CD55: variants seen among roughly 807,000 people sequenced by gnomAD.
CD55 encodes the protein CD55 molecule (Cromer blood group).
A neutral mutation model predicts 45.8 loss-of-function variants in CD55; 41 were observed. The ratio of observed to expected loss-of-function variants is 0.90; its 90% CI spans 0.70 to 1.16. CD55 has a LOEUF of 1.16. Ranked by LOEUF, CD55 falls within the 50% of genes most tolerant of loss-of-function variation. CD55 has a pLI of 0.00. For missense variants in CD55, 416 were observed against 469.8 expected, an observed-to-expected ratio of 0.89 and a Z score of 1.06; for synonymous variants, 181 against 181.1, an observed-to-expected ratio of 1.00 and a Z score of 0.01.
chr1:207,324,140 A>T (rs1485878184), intron 2 of CD55, among the ~76,000 whole-genome samples: 1 of 152,212 alleles, frequency 6.6e-6, no homozygotes, highest in African/African-American at 2.4e-5. Flanking sequence ...ATGAGTTTGT[A>T]CGTAAATAAA....
chr1:207,325,028 G>A (rs1171704086), intron 3 of CD55, among the ~76,000 whole-genome samples: 1 of 152,042 alleles, frequency 6.6e-6, no homozygotes, highest in Non-Finnish European at 1.5e-5. Flanking sequence ...ATTATAAAGA[G>A]AAATTAGAAT....
intron 6 of CD55, among the ~76,000 whole-genome samples, chr1:207,335,384 C>T (rs1325742058): frequency 6.6e-6 from 1 of 152,028 alleles, no homozygotes; most frequent in Non-Finnish European, 1.5e-5. Flanking sequence ...AGCTACAATA[C>T]ATTGCAAAAG....
chr1:207,345,499 A>C (rs763821299), intron 9 of CD55, among the ~76,000 whole-genome samples: 1 of 152,090 alleles, frequency 6.6e-6, no homozygotes, highest in Non-Finnish European at 1.5e-5. Flanking sequence ...TTTTAAAACA[A>C]ATTTTAAAGT....
intron 9 of CD55, 30 bp from the exon 10 acceptor site, chr1:207,359,516 C>CTTTTTTTTTT (rs56236833): frequency 3.8e-5 from 49 of 1,284,768 alleles, no homozygotes; most frequent in Middle Eastern, 2.6e-4. Flanking sequence ...TTGATTTTAA[C>CTTTTTTTTTT]TTTTTTTTTT....
At chr1:207,350,773 A>G (rs1320253478) in intron 9 of CD55, among the ~76,000 whole-genome samples, 1 of 151,916 alleles carries the variant, frequency 6.6e-6, no homozygotes, top group Non-Finnish European at 1.5e-5. Flanking sequence ...TTGTCTATCA[A>G]TCTTATTTAT....
rs1423601275 is a variant in CD55, at chr1:207,337,005, C to T, written c.979+187C>T. ...GTCTCATCAACACCTCAAAGACACA[C>T]CATAGTAAATGTTTCAGCTACAGGA... On this transcript the variant is annotated intron_variant, in intron 7 of 9. Coordinates refer to ENST00000367064, the MANE Select transcript of CD55 (RefSeq NM_000574.5). 15 of 673,190 alleles carry T rather than the reference C, an allele frequency of 2.2e-5. No individual in the cohort carries two copies. In the East Asian group the frequency reaches 4.1e-4, roughly 18 times the overall value. The allele number at this position is 673,190 out of a possible 1,614,324, so 41.7% of individuals were successfully genotyped here.
intron 3 of CD55, 132 bp downstream of exon 3, chr1:207,324,882 T>C: frequency 2.2e-6 from 1 of 445,896 alleles, no homozygotes; most frequent in Middle Eastern, 5.7e-4. Flanking sequence ...ACCATGAGTG[T>C]CAATTTATTT....
At chr1:207,329,863 C>G (rs1395969) in intron 5 of CD55, among the ~76,000 whole-genome samples, 105,191 of 151,994 alleles carry the variant, frequency 0.69, 36,869 homozygotes, top group Middle Eastern at 0.83. Context: ...CTGCCCGCCT[C>G]AGCCTCCCAA....
At chr1:207,324,498 T>C in intron 2 of CD55, 61 bp from the exon 3 acceptor site, 1 of 1,148,020 alleles carries the variant, frequency 8.7e-7, no homozygotes, top group Non-Finnish European at 1.2e-6. Context: ...TAATTAAATA[T>C]AGATTATAAA....
chr1:207,352,236 AT>A (rs906440809), intron 9 of CD55, among the ~76,000 whole-genome samples: 55 of 120,244 alleles, frequency 4.6e-4, no homozygotes, highest in African/African-American at 1.5e-3. Flanking sequence ...GTGTTTCCCA[AT>A]TTTTTTTTGT....
At chr1:207,337,080 A>C (rs945011155) in intron 7 of CD55, 2 of 606,036 alleles carry the variant, frequency 3.3e-6, no homozygotes, top group Non-Finnish European at 5.9e-6. Context: ...TCAGCCACCA[A>C]ATCCCCAGCA....
intron 9 of CD55, chr1:207,347,586 C>A: frequency 4.5e-6 from 1 of 221,648 alleles, no homozygotes; most frequent in South Asian, 6.0e-5. Context: ...TTTCTTCCAC[C>A]TTTTATTTTA....
At chr1:207,339,281 T>C (rs986076006) in intron 8 of CD55, 116 bp from the exon 9 acceptor site, 9 of 702,008 alleles carry the variant, frequency 1.3e-5, no homozygotes, top group Non-Finnish European at 2.0e-5. Flanking sequence ...TTTGTGGAAA[T>C]TTGAGTTGCT....
chr1:207,353,236 A>T (rs1276601211), intron 9 of CD55, among the ~76,000 whole-genome samples: 1 of 151,744 alleles, frequency 6.6e-6, no homozygotes, highest in Non-Finnish European at 1.5e-5. Context: ...CAAATTGGAC[A>T]ATTAAGGTGC....
rs185490165 is a variant in CD55 at position 207,349,818 on chromosome 1, A to T, written c.1082-9728A>T. On this transcript the variant is annotated intron_variant, in intron 9 of 9. Transcript: ENST00000367064. ...ACTCATATCATCTGTGAAGAGAGAT[A>T]GTTTACTTCCTCTCTTCCTATATGG... Among the ~76,000 whole-genome samples, 60 of 152,332 alleles carry T rather than the reference A, an allele frequency of 3.9e-4. 1 individual carries two copies. The highest frequency in any genetic ancestry group is 1.6e-4 in the Non-Finnish European group (11 of 68,026).
In CD55 at chr1:207,329,702, C is replaced by T. The variant is rs530316208; in HGVS notation, c.665-1406C>T. 3.3e-5 allele frequency among the ~76,000 whole-genome samples: 5 copies of T among 152,198 alleles called. No homozygotes were observed. In the East Asian group the frequency reaches 9.6e-4, roughly 29 times the overall value. The stretch of plus-strand genomic sequence containing the variant: ...TCACAGCTCACTGCAGCCTCAACCT[C>T]CTTGGCCCAAGTGATCCTCCCACCT... On this transcript the variant is annotated intron_variant, in intron 5 of 9. Transcript: ENST00000367064.
chr1:207,326,343 G>A (rs748494846), intron 4 of CD55, among the ~76,000 whole-genome samples: 7 of 152,036 alleles, frequency 4.6e-5, no homozygotes, highest in Non-Finnish European at 7.4e-5. Context: ...TCTCCTATAC[G>A]AAACACAGAT....
intron 9 of CD55, among the ~76,000 whole-genome samples, chr1:207,358,136 A>T (rs916727918): frequency 2.0e-5 from 3 of 151,992 alleles, no homozygotes; most frequent in African/African-American, 7.3e-5. Context: ...AGTCATGCAA[A>T]CTCCTAAGAA....
chr1:207,322,337 G>T, intron 1 of CD55, 45 bp from the exon 2 acceptor site: 2 of 1,519,812 alleles, frequency 1.3e-6, no homozygotes, highest in South Asian at 2.2e-5. Flanking sequence ...CAACTGTGAG[G>T]ACACTTGATA....
Sources: allele counts gnomAD v4.1 joint callset (sites outside exome capture counted in the v4.1 genomes callset), GRCh38; gene constraint gnomAD v4.1.1; transcripts MANE v1.5; gene names NCBI Gene and HGNC (gene_info 2026-07-23, HGNC 2026-07-21).